Variants in CDON observed in about 807,000 individuals in gnomAD.
CDON encodes cell adhesion associated, oncogene regulated.
Under a neutral mutation model 120.9 loss-of-function variants are expected in CDON, and 73 were observed. That is an observed-to-expected ratio of 0.60 (90% CI 0.50 to 0.73). CDON has a LOEUF of 0.73. CDON is among the 30% of genes least tolerant of loss of function. The pLI is 0.00. For synonymous variants in CDON, 566 were observed against 573.5 expected (o/e 0.99, Z 0.19); for missense variants, 1,470 against 1,587.3 (o/e 0.93, Z 1.26).
chr11:126,045,844 C>G (rs1948393244), intron 1 of CDON, among the ~76,000 whole-genome samples: 1 of 152,026 alleles, frequency 6.6e-6, no homozygotes, highest in Non-Finnish European at 1.5e-5. Context: ...GTGGCACATG[C>G]CTGTAATCCC....
intron 1 of CDON, among the ~76,000 whole-genome samples, chr11:126,046,550 A>T (rs1359148962): frequency 6.6e-6 from 1 of 152,324 alleles, no homozygotes; most frequent in Middle Eastern, 3.4e-3. Context: ...TTTCTGAAGC[A>T]TTGTTACTGT....
rs752417979 is a variant in CDON, at chr11:126,017,240, C to T, written c.776G>A (p.Gly259Glu). 1.2e-6 allele frequency: 2 copies of T among 1,614,130 alleles called. No homozygotes were observed. The highest frequency in any genetic ancestry group is 4.5e-5 in the East Asian group (2 of 44,882). ...PAPQVYWLKD[G>E]QDIAPGSNWR... is the part of the protein sequence containing the mutation. ...GTTGCTTCCTGGTGCAATGTCCTGC[C>T]CGTCCTTTAGCCAATACACTTGAGG... Residue 259 changes from glycine (G) to glutamate (E), a missense_variant, in exon 6 of 20, where the codon GGG (glycine) becomes GAG (glutamate). Physicochemically the swap from Gly to Glu is moderately conservative, Grantham distance 98. Transcript: ENST00000531738.
intron 14 of CDON, among the ~76,000 whole-genome samples, chr11:125,992,136 C>A (rs1165430364): frequency 2.6e-5 from 4 of 152,066 alleles, no homozygotes; most frequent in Non-Finnish European, 1.5e-5. Context: ...AATATTTAGC[C>A]TCTGTCAAAA....
intron 9 of CDON, 200 bp downstream of exon 9, chr11:126,005,559 G>C (rs188482794): frequency 1.6e-6 from 1 of 606,442 alleles, no homozygotes; most frequent in African/African-American, 1.8e-5. Context: ...ATTCCAATTT[G>C]GGGGGAAATT....
intron 10 of CDON, among the ~76,000 whole-genome samples, chr11:126,002,608 C>A (rs146751202): frequency 1.3e-5 from 2 of 152,166 alleles, no homozygotes; most frequent in Non-Finnish European, 1.5e-5. Context: ...CCTCACAAGC[C>A]GCCCTGCAGA....
At chr11:126,021,119 G>A (rs1023931041) in intron 3 of CDON, 129 bp downstream of exon 3, 3 of 949,594 alleles carry the variant, frequency 3.2e-6, no homozygotes, top group South Asian at 1.5e-5. Flanking sequence ...CACAGCAAGA[G>A]TCAAGGCTGA....
At chr11:125,996,161 AACACACACAC>A (rs35536827) in intron 12 of CDON, among the ~76,000 whole-genome samples, 32,616 of 145,906 alleles carry the variant, frequency 0.22, 3,882 homozygotes, top group South Asian at 0.29. Context: ...GTCACAGCAA[AACACACACAC>A]ACACACACAC....
intron 1 of CDON, among the ~76,000 whole-genome samples, chr11:126,062,290 GC>G (rs1265985131): frequency 1.3e-5 from 2 of 152,078 alleles, no homozygotes; most frequent in African/African-American, 2.4e-5. Context: ...CATCTCACCT[GC>G]CCCCGAGGAC....
chr11:125,962,472 T>C (rs1185652407), intron 18 of CDON, among the ~76,000 whole-genome samples: 3 of 152,230 alleles, frequency 2.0e-5, no homozygotes, highest in Non-Finnish European at 2.9e-5. Context: ...AGATTATATG[T>C]TCCCCCTCAT....
At chr11:125,979,444 C>T (rs76345185) in intron 17 of CDON, among the ~76,000 whole-genome samples, 197 of 152,282 alleles carry the variant, frequency 1.3e-3, no homozygotes, top group African/African-American at 2.7e-3. Flanking sequence ...TGCAGGGTAA[C>T]GTTGTGACTT....
chr11:126,060,970 G>A (rs1565563873), intron 1 of CDON, among the ~76,000 whole-genome samples: 1 of 152,220 alleles, frequency 6.6e-6, no homozygotes, highest in Non-Finnish European at 1.5e-5. Flanking sequence ...ACTTTGCACA[G>A]AAGAGGAGGC....
chr11:125,998,656 T>G (rs1005333027), intron 11 of CDON, among the ~76,000 whole-genome samples: 30 of 152,218 alleles, frequency 2.0e-4, no homozygotes, highest in African/African-American at 6.5e-4. Flanking sequence ...ATCTTGTGGT[T>G]GTAACTGGCT....
At position 125,961,027 on chromosome 11, in the gene CDON, C is replaced by A. The variant is rs777179648; in HGVS notation, c.3710G>T (p.Gly1237Val). ...NALILPPVPE[G>V]CAEKTMWSPP... The stretch of plus-strand genomic sequence containing the variant: ...AGACCACATTGTCTTCTCAGCACAG[C>A]CCTCGGGGACAGGTGGCAAAATAAG... Residue 1237 changes from glycine (G) to valine (V), a missense_variant, in exon 20 of 20, where the codon GGC becomes GTC. By Grantham distance (109) the Gly-to-Val change is moderately radical. Transcript: ENST00000531738. The A allele has an allele frequency of 5.9e-5, 95 of 1,613,882 alleles. No individual in the cohort carries two copies. Among genetic ancestry groups the A allele is most frequent in the Non-Finnish European group, 8.1e-5 (95 of 1,179,894 alleles).
chr11:126,012,769 A>G, intron 7 of CDON, among the ~76,000 whole-genome samples: 1 of 152,176 alleles, frequency 6.6e-6, no homozygotes, highest in East Asian at 1.9e-4. Context: ...ATTATTATTT[A>G]TCATAATAGG....
chr11:126,033,249 T>C (rs1466578413), intron 1 of CDON, among the ~76,000 whole-genome samples: 2 of 151,882 alleles, frequency 1.3e-5, no homozygotes, highest in African/African-American at 4.8e-5. Context: ...TTTGAGGTGG[T>C]AGAGGGAATG....
chr11:126,062,272 C>T (rs1948816733), intron 1 of CDON, among the ~76,000 whole-genome samples: 1 of 152,150 alleles, frequency 6.6e-6, no homozygotes, highest in African/African-American at 2.4e-5. Flanking sequence ...TAGCTCCCCG[C>T]TCTGCGGCAT....
intron 1 of CDON, among the ~76,000 whole-genome samples, chr11:126,031,211 G>C (rs1947933780): frequency 6.6e-6 from 1 of 152,212 alleles, no homozygotes; most frequent in Admixed American, 6.5e-5. Flanking sequence ...ATGAATAAAA[G>C]AGACACAGTG....
chr11:126,022,921 C>T (rs998886102), intron 2 of CDON, among the ~76,000 whole-genome samples: 1 of 152,176 alleles, frequency 6.6e-6, no homozygotes, highest in African/African-American at 2.4e-5. Context: ...CACATTTATG[C>T]TTTTCAGTAA....
intron 1 of CDON, among the ~76,000 whole-genome samples, chr11:126,024,925 C>T (rs1355808925): frequency 6.6e-6 from 1 of 152,158 alleles, no homozygotes; most frequent in African/African-American, 2.4e-5. Flanking sequence ...TATTTCTAGG[C>T]TGGGCACGGT....
Sources: gnomAD v4.1 joint callset for allele counts (sites outside exome capture counted in the v4.1 genomes callset) on GRCh38, gnomAD v4.1.1 for gene constraint, MANE v1.5 for transcripts, NCBI Gene and HGNC (gene_info 2026-07-23, HGNC 2026-07-21) for gene names.